Variants in RBFOX1 observed in about 807,000 individuals in gnomAD.
The protein encoded by RBFOX1 is RNA binding protein fox-1 homolog 1.
A neutral mutation model predicts 57.7 loss-of-function variants in RBFOX1; 8 were observed. The observed-to-expected ratio is 0.14, with a 90% CI of 0.08 to 0.25. RBFOX1 has a LOEUF of 0.25. RBFOX1 is among the 10% of genes least tolerant of loss of function. The pLI, the probability that RBFOX1 is intolerant of heterozygous loss-of-function variation, is 1.00. For synonymous variants in RBFOX1, 326 were observed against 222.4 expected, an observed-to-expected ratio of 1.47 and a Z score of -4.15; for missense variants, 611 against 548.5, an observed-to-expected ratio of 1.11 and a Z score of -1.14.
chr16:6,615,923 C>T (rs758452684), intron 2 of RBFOX1, among the ~76,000 whole-genome samples: 3 of 152,188 alleles, frequency 2.0e-5, no homozygotes, highest in Admixed American at 6.5e-5. Flanking sequence ...TAACCTCCCT[C>T]GGTGCAGAAA....
chr16:7,396,907 C>T (rs905480626), intron 4 of RBFOX1, among the ~76,000 whole-genome samples: 3 of 152,086 alleles, frequency 2.0e-5, no homozygotes, highest in African/African-American at 7.2e-5. Flanking sequence ...TGCCACTGCA[C>T]TCCGGCCTGG....
chr16:5,467,165 C>T lies in RBFOX1; in HGVS notation c.220-51C>T. ...CAAAGCAATTGTTTCAATGTAGACT[C>T]AATGTTTCTTCTCTCTCTCTCTCTC... On this transcript the variant is annotated intron_variant, in intron 1 of 2. Transcript: ENST00000585867. 2.2e-6 allele frequency: 3 copies of T among 1,372,418 alleles called. No individual in the cohort carries two copies. The South Asian group carries it at 4.0e-5, about 18-fold the overall frequency. The allele number at this position is 1,372,418 out of a possible 1,614,324, so 85.0% of individuals were successfully genotyped here.
At chr16:5,871,659 C>G (rs984361035) in intron 4 of RBFOX1, among the ~76,000 whole-genome samples, 2 of 152,148 alleles carry the variant, frequency 1.3e-5, no homozygotes, top group Non-Finnish European at 2.9e-5. Flanking sequence ...ACACAAAGAT[C>G]TGAGACCCAG....
chr16:5,900,462 A>G (rs1308541268), intron 4 of RBFOX1, among the ~76,000 whole-genome samples: 2 of 152,216 alleles, frequency 1.3e-5, no homozygotes. Flanking sequence ...TTATTTCAGT[A>G]GACATGAGTA....
At chr16:6,712,883 G>GTTT (rs61328266) in intron 3 of RBFOX1, among the ~76,000 whole-genome samples, 25 of 82,992 alleles carry the variant, frequency 3.0e-4, no homozygotes, top group African/African-American at 3.2e-4. Context: ...TCATGGGGGT[G>GTTT]TTTTTTTTTT....
intron 3 of RBFOX1, among the ~76,000 whole-genome samples, chr16:6,866,298 C>A (rs893994442): frequency 6.6e-6 from 1 of 151,718 alleles, no homozygotes; most frequent in Non-Finnish European, 1.5e-5. Flanking sequence ...GGCTGATGGG[C>A]TTTAAGTTTC....
At chr16:5,902,329 G>A (rs1226584785) in intron 4 of RBFOX1, among the ~76,000 whole-genome samples, 1 of 152,170 alleles carries the variant, frequency 6.6e-6, no homozygotes, top group African/African-American at 2.4e-5. Flanking sequence ...CCAAATTTGG[G>A]TGAGTCTCAT....
intron 1 of RBFOX1, among the ~76,000 whole-genome samples, chr16:6,220,146 A>G (rs1014414252): frequency 6.6e-6 from 1 of 152,152 alleles, no homozygotes; most frequent in African/African-American, 2.4e-5. Flanking sequence ...ATCTCGATAT[A>G]GGTATCTATA....
chr16:6,568,395 T>C (rs898405546), intron 2 of RBFOX1, among the ~76,000 whole-genome samples: 1 of 152,122 alleles, frequency 6.6e-6, no homozygotes, highest in African/African-American at 2.4e-5. Context: ...ACATGGCGGA[T>C]GGCTCTCTAC....
At chr16:7,264,730 C>G (rs958477066) in intron 4 of RBFOX1, among the ~76,000 whole-genome samples, 10 of 152,078 alleles carry the variant, frequency 6.6e-5, no homozygotes, top group African/African-American at 2.4e-4. Flanking sequence ...ATGTAATCAA[C>G]CATTCTTAGC....
chr16:6,569,884 T>G (rs1403981462), intron 2 of RBFOX1, among the ~76,000 whole-genome samples: 1 of 152,228 alleles, frequency 6.6e-6, no homozygotes, highest in African/African-American at 2.4e-5. Context: ...TTCAATCAAT[T>G]TTAATCCCCT....
At chr16:7,531,815 ATATCT>A (rs1450450584) in intron 5 of RBFOX1, among the ~76,000 whole-genome samples, 2 of 152,094 alleles carry the variant, frequency 1.3e-5, no homozygotes. Context: ...TTACAGGCAA[ATATCT>A]TAACAATCCT....
At chr16:6,890,963 T>G (rs1318452172) in intron 3 of RBFOX1, among the ~76,000 whole-genome samples, 1 of 152,198 alleles carries the variant, frequency 6.6e-6, no homozygotes, top group Non-Finnish European at 1.5e-5. Flanking sequence ...TCCCTAGAAT[T>G]CGTGTGGAGT....
intron 2 of RBFOX1, among the ~76,000 whole-genome samples, chr16:6,554,245 C>A (rs1344752662): frequency 6.6e-6 from 1 of 152,082 alleles, no homozygotes; most frequent in Non-Finnish European, 1.5e-5. Context: ...GAGAAAGAAG[C>A]TGGGCAGGAA....
chr16:6,997,144 CT>C (rs967071173), intron 3 of RBFOX1, among the ~76,000 whole-genome samples: 7 of 152,036 alleles, frequency 4.6e-5, no homozygotes, highest in Admixed American at 2.6e-4. Context: ...CAATAGTTGT[CT>C]TTTCTGTTAG....
intron 1 of RBFOX1, among the ~76,000 whole-genome samples, chr16:6,191,326 C>G (rs2097140439): frequency 6.6e-6 from 1 of 152,018 alleles, no homozygotes; most frequent in Non-Finnish European, 1.5e-5. Flanking sequence ...TGTAAGCTTT[C>G]TCCTATAGCA....
chr16:6,094,677 A>T (rs887109669), intron 1 of RBFOX1, among the ~76,000 whole-genome samples: 2 of 152,244 alleles, frequency 1.3e-5, no homozygotes, highest in African/African-American at 4.8e-5. Context: ...CAGGCATTGC[A>T]TCTTATCCTA....
intron 3 of RBFOX1, among the ~76,000 whole-genome samples, chr16:6,904,026 C>G (rs886153856): frequency 1.3e-5 from 2 of 152,092 alleles, no homozygotes; most frequent in Admixed American, 6.5e-5. Context: ...TACAAATGCC[C>G]CCACCTGAGG....
At chr16:5,538,387 G>A (rs1473051310) in intron 2 of RBFOX1, among the ~76,000 whole-genome samples, 4 of 151,726 alleles carry the variant, frequency 2.6e-5, no homozygotes, top group Non-Finnish European at 2.9e-5. Context: ...GCATTGCCAT[G>A]GGACTATGCA....
Sources: allele counts gnomAD v4.1 joint callset (sites outside exome capture counted in the v4.1 genomes callset), GRCh38; gene constraint gnomAD v4.1.1; transcripts MANE v1.5; gene names NCBI Gene and HGNC (gene_info 2026-07-23, HGNC 2026-07-21).